WARS1: variants seen among roughly 807,000 people sequenced by gnomAD.
WARS1 encodes tryptophanyl-tRNA synthetase 1, also known as tryptophan--tRNA ligase, cytoplasmic.
In WARS1, 17 loss-of-function variants were observed where a neutral mutation model predicts 47.8. The observed-to-expected ratio is 0.36, with a 90% CI of 0.24 to 0.53. The LOEUF (loss-of-function observed/expected upper bound fraction) is 0.53, where lower values mean the gene tolerates loss of function less well. Among genes scored for constraint, WARS1 ranks in the 20% least tolerant of loss-of-function variants. The pLI is 0.91. For synonymous variants in WARS1, 208 were observed against 228.1 expected, an observed-to-expected ratio of 0.91 and a Z score of 0.79; for missense variants, 434 against 608.0, an observed-to-expected ratio of 0.71 and a Z score of 3.01.
intron 7 of WARS1, among the ~76,000 whole-genome samples, chr14:100,344,461 G>A (rs1894394146): frequency 6.6e-6 from 1 of 152,194 alleles, no homozygotes; most frequent in African/African-American, 2.4e-5. Context: ...CGCCTGCCTT[G>A]GCCTCCCAAA....
chr14:100,337,505 AT>A (rs1893828671), intron 9 of WARS1, among the ~76,000 whole-genome samples: 1 of 152,110 alleles, frequency 6.6e-6, no homozygotes, highest in Non-Finnish European at 1.5e-5. Context: ...CAAGGCACTG[AT>A]TGAACTGAAA....
intron 4 of WARS1, among the ~76,000 whole-genome samples, chr14:100,356,381 G>A (rs1229769658): frequency 5.7e-4 from 40 of 69,876 alleles, no homozygotes; most frequent in Non-Finnish European, 8.6e-4. Context: ...CAAAGTGACT[G>A]GGTGTGTGTG....
intron 7 of WARS1, among the ~76,000 whole-genome samples, chr14:100,346,325 A>G (rs1184465459): frequency 6.6e-6 from 1 of 152,192 alleles, no homozygotes; most frequent in Admixed American, 6.5e-5. Flanking sequence ...ACTGAGGCCC[A>G]GGGAGACAAA....
chr14:100,346,713 G>A (rs1304154962), intron 7 of WARS1, 33 bp downstream of exon 7: 1 of 1,537,850 alleles, frequency 6.5e-7, no homozygotes, highest in Non-Finnish European at 9.0e-7. Context: ...GAAGGGTGCA[G>A]GGAGTGGTCC....
At chr14:100,374,616 C>T (rs1260667085) in intron 1 of WARS1, among the ~76,000 whole-genome samples, 2 of 152,302 alleles carry the variant, frequency 1.3e-5, no homozygotes, top group East Asian at 1.9e-4. Context: ...GATCAGGGCA[C>T]GCTGATTCTG....
intron 4 of WARS1, among the ~76,000 whole-genome samples, chr14:100,359,678 C>T (rs551074460): frequency 6.6e-6 from 1 of 152,162 alleles, no homozygotes; most frequent in Admixed American, 6.5e-5. Context: ...GTAGAAGTTT[C>T]CTTTTGGGGT....
upstream of WARS1, chr14:100,376,160 A>C: frequency 5.1e-6 from 1 of 197,916 alleles, no homozygotes; most frequent in Non-Finnish European, 1.0e-5. Flanking sequence ...CTCTAAGGAT[A>C]CTCCCGGGAG....
At chr14:100,338,745 T>C (rs927695603) in intron 9 of WARS1, among the ~76,000 whole-genome samples, 1 of 151,972 alleles carries the variant, frequency 6.6e-6, no homozygotes, top group Non-Finnish European at 1.5e-5. Context: ...TAACTTTTTT[T>C]TAATGGGAAA....
intron 3 of WARS1, 59 bp downstream of exon 3, chr14:100,361,649 C>T (rs1895668320): frequency 6.5e-7 from 1 of 1,544,840 alleles, no homozygotes; most frequent in Non-Finnish European, 8.9e-7. Flanking sequence ...ATGGAATCAA[C>T]TCAATGGGAC....
upstream of WARS1, chr14:100,376,270 C>G (rs1164093724): frequency 4.2e-6 from 3 of 706,508 alleles, no homozygotes; most frequent in South Asian, 1.5e-4. Context: ...CCTGCCCAGC[C>G]GGGCCAGTCA....
chr14:100,344,310 C>A (rs1894382084), intron 7 of WARS1, among the ~76,000 whole-genome samples: 2 of 152,214 alleles, frequency 1.3e-5, no homozygotes, highest in African/African-American at 4.8e-5. Flanking sequence ...GTCTCCAGCT[C>A]CTAACCGCGA....
chr14:100,371,265 T>A (rs1896328832), intron 1 of WARS1, among the ~76,000 whole-genome samples: 1 of 150,886 alleles, frequency 6.6e-6, no homozygotes, highest in Admixed American at 6.6e-5. Flanking sequence ...CTGGCCAACA[T>A]GGTGAAACCC....
intron 9 of WARS1, 131 bp from the exon 10 acceptor site, chr14:100,337,333 C>T (rs1453686317): frequency 1.6e-5 from 23 of 1,394,180 alleles, no homozygotes; most frequent in Non-Finnish European, 2.2e-5. Flanking sequence ...AAGGCCAAGG[C>T]GCACAGCCGG....
chr14:100,373,697 ATG>A lies in WARS1; in HGVS notation c.-74+1584_-74+1585del, dbSNP rs1896470196. On this transcript the variant is annotated intron_variant, in intron 1 of 10. Transcript: ENST00000392882. This position sits in a 1 kb window ranked among gnomAD's most constrained non-coding sequence, Gnocchi z 4.4. ...TAGGGTCCATGTTGCAGGGAAAAAC[ATG>A]TGTCTATAAATATCAGAACTCCATT... Among the ~76,000 whole-genome samples the A allele has an allele frequency of 6.6e-6, 1 of 152,198 alleles. No homozygotes were observed. Among genetic ancestry groups the A allele is most frequent in the Non-Finnish European group, 1.5e-5 (1 of 68,034 alleles).
chr14:100,342,554 C>A lies in WARS1; in HGVS notation c.957G>T (p.Met319Ile). ...CAIDQDPYFR[M>I]TRDVAPRIGY... The stretch of plus-strand genomic sequence containing the variant: ...CGATCCTGGGGGCGACGTCCCTTGT[C>A]ATTCTAAAGTAAGGATCCTGTGGGG... The change falls in exon 9 of 11, where the codon ATG (methionine) becomes ATT (isoleucine). Residue 319 changes from methionine (M) to isoleucine (I), a missense_variant. Met to Ile is a conservative substitution (Grantham distance 10, BLOSUM62 1). Around this residue, in one of 2 missense-constraint regions of WARS1, gnomAD observed 347 missense variants for 523.8 expected, o/e 0.66. Transcript: ENST00000392882. 1.9e-6 allele frequency: 3 copies of A among 1,611,648 alleles called. No individual in the cohort carries two copies. The South Asian group carries it at 3.3e-5, about 18-fold the overall frequency.
chr14:100,336,275 C>CAAAAAA (rs56343247), intron 10 of WARS1, among the ~76,000 whole-genome samples: 1 of 113,950 alleles, frequency 8.8e-6, no homozygotes. Flanking sequence ...GACTCTGTCT[C>CAAAAAA]AAAAAAAAAA....
At chr14:100,362,021 C>G (rs1444471520) in intron 2 of WARS1, 100 bp from the exon 3 acceptor site, 1 of 1,243,166 alleles carries the variant, frequency 8.0e-7, no homozygotes, top group Non-Finnish European at 1.1e-6. Context: ...TGCTTTTACA[C>G]GTGTTACCTT....
At chr14:100,376,272 G>A (rs1896657124), upstream of WARS1, 3 of 726,342 alleles carry the variant, frequency 4.1e-6, no homozygotes, top group Admixed American at 8.9e-5. Flanking sequence ...TGCCCAGCCG[G>A]GCCAGTCAGC....
chr14:100,337,206 C>G lies in WARS1; in HGVS notation c.1114-4G>C. ...CAGAAAACGCATGCTTATTGACCTG[C>G]ACCAGAAGAGGACACAGACACGCTC... On this transcript the variant is annotated splice_polypyrimidine_tract_variant and splice_region_variant and intron_variant, in intron 9 of 10. Transcript: ENST00000392882. 6.2e-7 allele frequency: 1 copy of G among 1,613,482 alleles called. No individual in the cohort carries two copies. The highest frequency in any genetic ancestry group is 2.2e-5 in the East Asian group (1 of 44,864).
Sources: allele counts gnomAD v4.1 joint callset (sites outside exome capture counted in the v4.1 genomes callset), GRCh38; gene constraint gnomAD v4.1.1; regional missense constraint gnomAD v4.1.1; non-coding constraint Gnocchi (gnomAD v3.1); transcripts MANE v1.5; gene names NCBI Gene and HGNC (gene_info 2026-07-23, HGNC 2026-07-21).